The following ZFP91 variants were observed in gnomAD, a reference collection of about 807,000 sequenced individuals.
ZFP91 encodes ZFP91 zinc finger protein, atypical E3 ubiquitin ligase.
Under a neutral mutation model 63.5 loss-of-function variants are expected in ZFP91, and 7 were observed. The ratio of observed to expected loss-of-function variants is 0.11; its 90% CI spans 0.06 to 0.21. The LOEUF (loss-of-function observed/expected upper bound fraction) is 0.21, where lower values mean the gene tolerates loss of function less well. ZFP91 is among the 10% of genes least tolerant of loss of function. The pLI, the probability that ZFP91 is intolerant of heterozygous loss-of-function variation, is 1.00. For missense variants in ZFP91, 628 were observed against 736.6 expected, an observed-to-expected ratio of 0.85 and a Z score of 1.71; for synonymous variants, 330 against 272.1, an observed-to-expected ratio of 1.21 and a Z score of -2.10.
rs189952346 is a variant in ZFP91 at position 58,620,614 on chromosome 11, T to G, written c.*2908T>G. 2.9e-3 allele frequency: 447 copies of G among 152,742 alleles called. 1 individual carries two copies. Among genetic ancestry groups the G allele is most frequent in the Non-Finnish European group, 4.7e-3 (320 of 68,030 alleles). The allele number at this position is 152,742 out of a possible 1,614,324, so 9.5% of individuals were successfully genotyped here. On this transcript the variant is annotated 3_prime_UTR_variant, in exon 11 of 11. Coordinates refer to ENST00000316059, the MANE Select transcript of ZFP91 (RefSeq NM_053023.5). ...GAGTACTGGGAGTAAAATAAAAATA[T>G]CGAGGTATAGACTAGCATCCACATA...
chr11:58,582,154 A>G (rs1166678564), intron 1 of ZFP91, among the ~76,000 whole-genome samples: 1 of 152,254 alleles, frequency 6.6e-6, no homozygotes. Flanking sequence ...AAAATGAGAC[A>G]TGGCCCTCAT....
At chr11:58,605,374 C>T (rs1313798133) in intron 2 of ZFP91, among the ~76,000 whole-genome samples, 2 of 152,060 alleles carry the variant, frequency 1.3e-5, no homozygotes, top group Non-Finnish European at 1.5e-5. Flanking sequence ...GTAAAATATG[C>T]CAGTGTTTTA....
At position 58,584,891 on chromosome 11, in the gene ZFP91, C is replaced by T. The variant is rs751868366; in HGVS notation, c.370+7C>T. Reference sequence around the variant, plus strand: ...AAAGTAACAACTGATAAAGGTAAGACTTGGTCATCCTTACCTCTAGCGTAC... The same window carrying T: ...AAAGTAACAACTGATAAAGGTAAGATTTGGTCATCCTTACCTCTAGCGTAC... On this transcript the variant is annotated splice_region_variant and intron_variant, in intron 2 of 10. Coordinates refer to ENST00000316059, the MANE Select transcript of ZFP91 (RefSeq NM_053023.5). 47 of 1,518,466 alleles carry T rather than the reference C, an allele frequency of 3.1e-5. 1 individual carries two copies. In the South Asian group the frequency reaches 5.4e-4, roughly 18 times the overall value. 94.1% of individuals were successfully genotyped at this position (1,518,466 alleles called of 1,614,324 possible). A position where few individuals can be genotyped will look rare whatever the true frequency, so the allele number is the denominator to read the frequency against.
At chr11:58,579,760 G>T (rs1855068958) in intron 1 of ZFP91, 138 bp downstream of exon 1, 1 of 808,916 alleles carries the variant, frequency 1.2e-6, no homozygotes. Context: ...ATGTCACACC[G>T]TTTCCCCGGG....
intron 8 of ZFP91, 49 bp downstream of exon 8, chr11:58,612,889 T>C: frequency 1.3e-6 from 2 of 1,510,694 alleles, no homozygotes; most frequent in Non-Finnish European, 1.8e-6. Flanking sequence ...TTCCATTACT[T>C]GTTCTTGCAC....
At chr11:58,608,340 G>T (rs952738250) in intron 2 of ZFP91, among the ~76,000 whole-genome samples, 1 of 151,582 alleles carries the variant, frequency 6.6e-6, no homozygotes, top group African/African-American at 2.4e-5. Flanking sequence ...TTGTAATTTT[G>T]TAGGATAAAT....
chr11:58,605,233 A>G (rs571812742), intron 2 of ZFP91, among the ~76,000 whole-genome samples: 1 of 152,284 alleles, frequency 6.6e-6, no homozygotes, highest in African/African-American at 2.4e-5. Context: ...TATTGTTGCA[A>G]AGTGTATGTT....
rs1256647363 is a variant in ZFP91, at chr11:58,610,312, C to T, written c.595C>T (p.His199Tyr). 6.3e-7 allele frequency: 1 copy of T among 1,599,520 alleles called. No individual in the cohort carries two copies. The highest frequency in any genetic ancestry group is 8.5e-7 in the Non-Finnish European group (1 of 1,175,802). The change falls in exon 4 of 11, where the codon CAT becomes TAT. Residue 199 changes from histidine to tyrosine, a missense_variant. By Grantham distance (83) the His-to-Tyr change is moderately conservative (BLOSUM62 2). Transcript: ENST00000316059. ...DQLDYDVGEEHQSPGGISSEE... is the reference protein window; with the variant it reads ...DQLDYDVGEEYQSPGGISSEE... ...TGTTTTTCTAGATGTTGGAGAAGAGCATCAGTCTCCAGGTGGCATTAGGTA... is the reference window on the plus strand; with the variant it reads ...TGTTTTTCTAGATGTTGGAGAAGAGTATCAGTCTCCAGGTGGCATTAGGTA...
intron 2 of ZFP91, among the ~76,000 whole-genome samples, chr11:58,602,935 C>T (rs753282270): frequency 3.3e-5 from 5 of 151,964 alleles, no homozygotes; most frequent in African/African-American, 9.7e-5. Context: ...GCCAAGATTG[C>T]GCCGTTGCAC....
chr11:58,579,493 G>A lies in ZFP91; in HGVS notation c.212G>A (p.Arg71Gln), dbSNP rs754526945. 4 of 1,522,334 alleles carry A rather than the reference G, an allele frequency of 2.6e-6. No individual in the cohort carries two copies. In the Admixed American group the frequency reaches 8.3e-5, roughly 32 times the overall value. The allele number at this position is 1,522,334 out of a possible 1,614,324, so 94.3% of individuals were successfully genotyped here. ...GCCGCCGCCGCAGCTGTGTCCCGCC[G>A]GAGGAAGGCCGAGTATCCCCGCCGG... The part of the protein sequence containing the change: ...AAAAAAAVSR[R>Q]RKAEYPRRRR... The change falls in exon 1 of 11, where the codon CGG becomes CAG. Residue 71 changes from arginine to glutamine, a missense_variant. This residue lies in a region of ZFP91 where 437 missense variants were observed against 380.3 expected (regional missense o/e 1.15). Transcript: ENST00000316059.
chr11:58,613,622 A>T (rs1855702956), intron 8 of ZFP91, among the ~76,000 whole-genome samples: 2 of 152,216 alleles, frequency 1.3e-5, no homozygotes, highest in African/African-American at 2.4e-5. Context: ...GTAAAATTAG[A>T]ACTCAAACCT....
At chr11:58,584,753 A>T in intron 1 of ZFP91, 103 bp from the exon 2 acceptor site, 1 of 1,041,426 alleles carries the variant, frequency 9.6e-7, no homozygotes, top group Non-Finnish European at 1.4e-6. Context: ...ACACTAGTCT[A>T]GATGCTTTCT....
At chr11:58,611,242 G>A (rs1855656909) in intron 5 of ZFP91, 188 bp downstream of exon 5, 1 of 502,030 alleles carries the variant, frequency 2.0e-6, no homozygotes, top group Non-Finnish European at 3.4e-6. Context: ...TTTCCCATTT[G>A]TAGAACTTTA....
At chr11:58,598,462 A>G (rs1427808606) in intron 2 of ZFP91, among the ~76,000 whole-genome samples, 1 of 152,116 alleles carries the variant, frequency 6.6e-6, no homozygotes, top group African/African-American at 2.4e-5. Context: ...TTCAAGGGTT[A>G]ACTAACTGTA....
chr11:58,613,157 G>A (rs1855694234), intron 8 of ZFP91, among the ~76,000 whole-genome samples: 1 of 152,106 alleles, frequency 6.6e-6, no homozygotes, highest in Non-Finnish European at 1.5e-5. Flanking sequence ...CTATAATAGA[G>A]TACCTGAGAC....
At position 58,579,306 on chromosome 11, in the gene ZFP91, A is replaced by G. The variant is rs1855038098; in HGVS notation, c.25A>G (p.Arg9Gly). 6.7e-7 allele frequency: 1 copy of G among 1,483,782 alleles called. No individual in the cohort carries two copies. Among genetic ancestry groups the G allele is most frequent in the Non-Finnish European group, 8.9e-7 (1 of 1,122,336 alleles). 91.9% of individuals were successfully genotyped at this position (1,483,782 alleles called of 1,614,324 possible). MPGETEEP[R>G]PPEQQDQEGG... ...GATGCCGGGGGAGACGGAAGAGCCG[A>G]GACCCCCGGAGCAGCAGGACCAGGA... The change falls in exon 1 of 11, where the codon AGA (arginine) becomes GGA (glycine). Residue 9 changes from arginine (R) to glycine (G), a missense_variant. Arg to Gly is a moderately radical substitution (Grantham distance 125). Around this residue, in one of 3 missense-constraint regions of ZFP91, gnomAD observed 437 missense variants for 380.3 expected, o/e 1.15. Coordinates refer to ENST00000316059, the MANE Select transcript of ZFP91 (RefSeq NM_053023.5).
intron 2 of ZFP91, among the ~76,000 whole-genome samples, chr11:58,598,336 A>T (rs1855437281): frequency 6.6e-6 from 1 of 152,086 alleles, no homozygotes; most frequent in Non-Finnish European, 1.5e-5. Flanking sequence ...CAATATTTCT[A>T]GGCTACACAG....
Position 58,617,097 on chromosome 11 carries a change from T to C in ZFP91, c.1203-99T>C. 1 of 1,040,646 alleles carries C rather than the reference T, an allele frequency of 9.6e-7. No homozygotes were observed. The highest frequency in any genetic ancestry group is 1.4e-6 in the Non-Finnish European group (1 of 721,070). 64.5% of individuals were successfully genotyped at this position (1,040,646 alleles called of 1,614,324 possible). ...GTGTGTGTGTGTGTGTGTGTGTGTGTGTATGTATATATATGCTCTAAACTC... is the reference window on the plus strand; with the variant it reads ...GTGTGTGTGTGTGTGTGTGTGTGTGCGTATGTATATATATGCTCTAAACTC... On this transcript the variant is annotated intron_variant, in intron 10 of 10. Coordinates refer to ENST00000316059, the MANE Select transcript of ZFP91 (RefSeq NM_053023.5). This position sits in a 1 kb window ranked among gnomAD's most constrained non-coding sequence, Gnocchi z 4.2.
intron 9 of ZFP91, 68 bp from the exon 10 acceptor site, chr11:58,616,648 A>G: frequency 1.0e-5 from 14 of 1,344,402 alleles, no homozygotes; most frequent in Non-Finnish European, 1.4e-5. Context: ...TCATCTGCTT[A>G]CTTACTGTAA....
Sources: gnomAD v4.1 joint callset for allele counts (sites outside exome capture counted in the v4.1 genomes callset) on GRCh38, gnomAD v4.1.1 for gene constraint, gnomAD v4.1.1 regional missense constraint, Gnocchi (gnomAD v3.1) non-coding constraint, MANE v1.5 for transcripts, NCBI Gene and HGNC (gene_info 2026-07-23, HGNC 2026-07-21) for gene names.